The following DCC variants were observed in gnomAD, a reference collection of about 807,000 sequenced individuals.
DCC encodes the protein DCC netrin 1 receptor, also known as netrin receptor DCC.
A neutral mutation model predicts 172.5 loss-of-function variants in DCC; 58 were observed. The observed-to-expected ratio is 0.34, with a 90% CI of 0.27 to 0.42. DCC has a LOEUF of 0.42. Ranked by LOEUF, DCC falls within the 10% of genes least tolerant of loss-of-function variation. The probability of loss-of-function intolerance (pLI) is 1.00; values close to 1 mark genes in which losing one functional copy is unlikely to be tolerated. For missense variants in DCC, 1,740 were observed against 1,791.0 expected (o/e 0.97, Z 0.51); for synonymous variants, 709 against 644.5 (o/e 1.10, Z -1.52).
At chr18:52,416,883 A>G (rs1987052364) in intron 1 of DCC, among the ~76,000 whole-genome samples, 1 of 151,822 alleles carries the variant, frequency 6.6e-6, no homozygotes, top group Non-Finnish European at 1.5e-5. Flanking sequence ...TTTAAAGTGA[A>G]TATTGTTATG....
chr18:53,054,830 T>C (rs998196192), intron 5 of DCC, among the ~76,000 whole-genome samples: 1 of 152,126 alleles, frequency 6.6e-6, no homozygotes. Context: ...TCACGAGAAG[T>C]ATACTATTAG....
chr18:52,512,554 T>G (rs2031481040), intron 1 of DCC, among the ~76,000 whole-genome samples: 1 of 152,216 alleles, frequency 6.6e-6, no homozygotes, highest in Non-Finnish European at 1.5e-5. Context: ...TTTTAATTTT[T>G]TCATGGTGAC....
chr18:53,024,931 C>T (rs2041935911), intron 5 of DCC, among the ~76,000 whole-genome samples: 1 of 152,004 alleles, frequency 6.6e-6, no homozygotes, highest in Non-Finnish European at 1.5e-5. Flanking sequence ...TTCATAGAAA[C>T]AAGATAAACA....
At chr18:52,492,129 T>C (rs2030533067) in intron 1 of DCC, among the ~76,000 whole-genome samples, 1 of 151,890 alleles carries the variant, frequency 6.6e-6, no homozygotes, top group Non-Finnish European at 1.5e-5. Flanking sequence ...AATATATAAA[T>C]ATTTCTGAGA....
At chr18:52,946,492 G>A (rs750632045) in intron 5 of DCC, among the ~76,000 whole-genome samples, 2 of 152,016 alleles carry the variant, frequency 1.3e-5, no homozygotes, top group Non-Finnish European at 2.9e-5. Context: ...AAGATGATGG[G>A]TCTTTGGGTT....
intron 1 of DCC, among the ~76,000 whole-genome samples, chr18:52,615,973 T>C (rs2034373589): frequency 6.6e-6 from 1 of 152,198 alleles, no homozygotes; most frequent in African/African-American, 2.4e-5. Flanking sequence ...TATATATATA[T>C]GAATGAATGA....
chr18:53,066,371 A>G lies in DCC; in HGVS notation c.1261+205A>G, dbSNP rs372281349. Among the ~76,000 whole-genome samples the G allele has an allele frequency of 6.6e-4, 40 of 60,456 alleles. 2 individuals are homozygous for G. Among genetic ancestry groups the G allele is most frequent in the South Asian group, 2.6e-3 (6 of 2,268 alleles). The allele number at this position is 60,456 out of a possible 152,430, so 39.7% of individuals were successfully genotyped here. On this transcript the variant is annotated intron_variant, in intron 7 of 28. Coordinates refer to ENST00000442544, the MANE Select transcript of DCC (RefSeq NM_005215.4). ...CATGTGTGTATATATATATATATAT[A>G]TATATATATATATATATATATATAT...
intron 1 of DCC, among the ~76,000 whole-genome samples, chr18:52,415,478 C>T (rs1418193643): frequency 2.0e-5 from 3 of 152,168 alleles, no homozygotes; most frequent in Non-Finnish European, 4.4e-5. Context: ...ACTGTGTAAA[C>T]ATTATGGGAT....
intron 9 of DCC, among the ~76,000 whole-genome samples, chr18:53,200,820 T>C (rs2055525980): frequency 1.3e-5 from 2 of 152,122 alleles, no homozygotes; most frequent in African/African-American, 4.8e-5. Context: ...CATTGCTAAG[T>C]AGCTCTCTCA....
chr18:53,116,121 A>G (rs897106572), intron 7 of DCC, among the ~76,000 whole-genome samples: 2 of 151,718 alleles, frequency 1.3e-5, no homozygotes, highest in Non-Finnish European at 1.5e-5. Flanking sequence ...CCAGATTTGC[A>G]ACACATGATG....
chr18:53,031,074 C>A (rs1008342405), intron 5 of DCC, among the ~76,000 whole-genome samples: 2 of 152,116 alleles, frequency 1.3e-5, no homozygotes, highest in East Asian at 1.9e-4. Flanking sequence ...GCCTGGCCGA[C>A]ATGGTGAAAC....
intron 1 of DCC, among the ~76,000 whole-genome samples, chr18:52,594,335 C>T (rs938066815): frequency 7.2e-5 from 11 of 152,144 alleles, no homozygotes; most frequent in Non-Finnish European, 1.5e-4. Flanking sequence ...TCTTGTCTCA[C>T]ATTGTTTAGG....
chr18:53,086,328 CTTCTTCTTCTTCTTCTTCTTCTTCCT>C (rs2042899693), intron 7 of DCC, among the ~76,000 whole-genome samples: 1 of 28,932 alleles, frequency 3.5e-5, no homozygotes, highest in East Asian at 5.5e-4. Flanking sequence ...TTCTTCCTTT[CTTCTTCTTCTTCTTCTTCTTCTTCCT>C]TTCTTCTTCT....
chr18:52,656,190 G>A (rs1340774057), intron 1 of DCC, among the ~76,000 whole-genome samples: 1 of 150,822 alleles, frequency 6.6e-6, no homozygotes, highest in Admixed American at 6.6e-5. Flanking sequence ...TTCATATGTC[G>A]AAATCCTAAC....
At chr18:53,373,049 C>T (rs1318556938) in intron 15 of DCC, among the ~76,000 whole-genome samples, 2 of 152,148 alleles carry the variant, frequency 1.3e-5, no homozygotes, top group African/African-American at 4.8e-5. Flanking sequence ...GAATAAGTTG[C>T]TATTCATCAT....
intron 21 of DCC, among the ~76,000 whole-genome samples, chr18:53,434,537 C>A (rs1911819038): frequency 6.6e-6 from 1 of 152,114 alleles, no homozygotes; most frequent in Non-Finnish European, 1.5e-5. Flanking sequence ...TCCAATAATG[C>A]TATACTGAAG....
intron 1 of DCC, among the ~76,000 whole-genome samples, chr18:52,392,910 T>C (rs190612115): frequency 5.9e-4 from 90 of 152,192 alleles, no homozygotes; most frequent in African/African-American, 2.0e-3. Flanking sequence ...AAGAATATAA[T>C]GTTATGTCCC....
intron 2 of DCC, among the ~76,000 whole-genome samples, chr18:52,764,736 A>G (rs747978142): frequency 4.6e-5 from 7 of 152,132 alleles, no homozygotes; most frequent in South Asian, 4.1e-4. Flanking sequence ...AAGTTATCCA[A>G]CCTCAGACAT....
At chr18:52,821,413 T>G (rs1038313004) in intron 2 of DCC, among the ~76,000 whole-genome samples, 2 of 152,218 alleles carry the variant, frequency 1.3e-5, no homozygotes, top group African/African-American at 4.8e-5. Context: ...ATTAAAAATA[T>G]ATGCTGGCAG....
Sources: gnomAD v4.1 joint callset for allele counts (sites outside exome capture counted in the v4.1 genomes callset) on GRCh38, gnomAD v4.1.1 for gene constraint, MANE v1.5 for transcripts, NCBI Gene and HGNC (gene_info 2026-07-23, HGNC 2026-07-21) for gene names.